CASTOR2: variants seen among roughly 807,000 people sequenced by gnomAD.
The protein encoded by CASTOR2 is cytosolic arginine sensor for mTORC1 subunit 2, also known as GATS protein like 2.
In CASTOR2, 8 loss-of-function variants were observed where a neutral mutation model predicts 31.2. That is an observed-to-expected ratio of 0.26 (90% confidence interval 0.15 to 0.46). CASTOR2 has a LOEUF of 0.46. Ranked by LOEUF, CASTOR2 falls within the 20% of genes least tolerant of loss-of-function variation. The probability of loss-of-function intolerance (pLI) is 0.99; values close to 1 mark genes in which losing one functional copy is unlikely to be tolerated. For missense variants in CASTOR2, 216 were observed against 382.1 expected, an observed-to-expected ratio of 0.57 and a Z score of 3.62; for synonymous variants, 162 against 158.7, an observed-to-expected ratio of 1.02 and a Z score of -0.16.
intron 1 of CASTOR2, among the ~76,000 whole-genome samples, chr7:75,000,578 C>T (rs1311099761): frequency 6.6e-6 from 1 of 152,084 alleles, no homozygotes; most frequent in East Asian, 1.9e-4. Context: ...TGCAGAGCCT[C>T]TCTGGTTTGG....
chr7:74,973,959 G>GA (rs1262838439), intron 1 of CASTOR2, among the ~76,000 whole-genome samples: 1 of 24,962 alleles, frequency 4.0e-5, no homozygotes, highest in Non-Finnish European at 7.5e-5. Flanking sequence ...TGGATCAGGG[G>GA]AGGGGTATAG....
chr7:75,007,495 G>A (rs1457489669), intron 1 of CASTOR2, among the ~76,000 whole-genome samples: 16 of 152,238 alleles, frequency 1.1e-4, no homozygotes, highest in South Asian at 4.1e-4. Context: ...AAAATAAACC[G>A]AGGGCTGGGC....
At chr7:75,000,085 C>A (rs1303245278) in intron 1 of CASTOR2, among the ~76,000 whole-genome samples, 1 of 152,102 alleles carries the variant, frequency 6.6e-6, no homozygotes, top group Admixed American at 6.6e-5. Flanking sequence ...AATTAGCCAG[C>A]CATGGTGATG....
chr7:74,979,103 G>C (rs1803892420), intron 1 of CASTOR2, among the ~76,000 whole-genome samples: 1 of 152,036 alleles, frequency 6.6e-6, no homozygotes, highest in South Asian at 2.1e-4. Flanking sequence ...GGAGGTAGAG[G>C]CTGCAGTGAG....
chr7:74,985,888 T>A (rs1280766982), intron 1 of CASTOR2, among the ~76,000 whole-genome samples: 1 of 152,064 alleles, frequency 6.6e-6, no homozygotes, highest in Non-Finnish European at 1.5e-5. Flanking sequence ...TTCCATTTAC[T>A]CCTTCAGCAG....
intron 1 of CASTOR2, among the ~76,000 whole-genome samples, chr7:74,984,484 G>A (rs1233705350): frequency 3.3e-5 from 5 of 152,254 alleles, no homozygotes; most frequent in Middle Eastern, 3.4e-3. Context: ...TTGCCTGGGA[G>A]AGTTGAAATG....
intron 1 of CASTOR2, among the ~76,000 whole-genome samples, chr7:74,971,100 A>G (rs1308659047): frequency 6.7e-6 from 1 of 149,488 alleles, no homozygotes; most frequent in Non-Finnish European, 1.5e-5. Flanking sequence ...GGTTCAAGCA[A>G]TTCTCCTGCC....
rs906148831 is a variant in CASTOR2 at position 75,025,956 on chromosome 7, C to T, written c.*1257C>T. Among the ~76,000 whole-genome samples the T allele has an allele frequency of 1.5e-3, 224 of 152,256 alleles. No homozygotes were observed. Among genetic ancestry groups the T allele is most frequent in the African/African-American group, 4.9e-3 (203 of 41,550 alleles). ...CTAGGAGCAGAGATCTGTTACAAGA[C>T]GCTGGAGCCGCTGGCACCCCACATG... On this transcript the variant is annotated 3_prime_UTR_variant, in exon 9 of 9. Coordinates refer to ENST00000616305, the MANE Select transcript of CASTOR2 (RefSeq NM_001145064.3).
At chr7:75,009,940 G>T (rs1804699916) in intron 2 of CASTOR2, among the ~76,000 whole-genome samples, 1 of 149,424 alleles carries the variant, frequency 6.7e-6, no homozygotes, top group Non-Finnish European at 1.5e-5. Flanking sequence ...TGCCCAGGCT[G>T]GAGTACAGTG....
chr7:74,991,366 T>C (rs1804207669), intron 1 of CASTOR2, among the ~76,000 whole-genome samples: 1 of 152,118 alleles, frequency 6.6e-6, no homozygotes, highest in East Asian at 1.9e-4. Context: ...CAAGGTTCCA[T>C]AGTGAGCAGG....
chr7:74,991,113 G>A (rs1450658087), intron 1 of CASTOR2, among the ~76,000 whole-genome samples: 2 of 150,986 alleles, frequency 1.3e-5, no homozygotes, highest in Non-Finnish European at 2.9e-5. Context: ...AAATGCCCTC[G>A]CACCTAACCA....
At chr7:75,014,657 G>A (rs1380388279) in intron 2 of CASTOR2, among the ~76,000 whole-genome samples, 1 of 152,146 alleles carries the variant, frequency 6.6e-6, no homozygotes, top group Non-Finnish European at 1.5e-5. Context: ...AGGGCGGGTA[G>A]ACCAATCCAT....
intron 2 of CASTOR2, among the ~76,000 whole-genome samples, chr7:75,009,712 C>T (rs1325717266): frequency 6.6e-6 from 1 of 151,430 alleles, no homozygotes; most frequent in Non-Finnish European, 1.5e-5. Context: ...GTACTGGGGA[C>T]ACACTTGGCA....
At chr7:75,008,178 C>A in intron 2 of CASTOR2, 114 bp downstream of exon 2, 2 of 1,290,868 alleles carry the variant, frequency 1.5e-6, no homozygotes, top group Non-Finnish European at 2.2e-6. Flanking sequence ...CCCCACCTAC[C>A]TCCTTACTTC....
In CASTOR2 at chr7:75,027,707, GGGGACCC is replaced by G. The variant is rs1182313863; in HGVS notation, c.*3009_*3015del. On this transcript the variant is annotated 3_prime_UTR_variant, in exon 9 of 9. Transcript: ENST00000616305. ...GCCCGCTCCGTGGGAGCTGCCCCCT[GGGGACCC>G]TGCTCCTCGGTCACAGGGGGCCCCT... is the stretch of plus-strand genomic sequence containing the variant. The G allele has an allele frequency of 7.8e-6, 3 of 386,402 alleles. No individual in the cohort carries two copies. The highest frequency in any genetic ancestry group is 4.3e-5 in the African/African-American group (2 of 46,912). The allele number at this position is 386,402 out of a possible 1,614,324, so 23.9% of individuals were successfully genotyped here.
At chr7:75,017,821 A>G (rs1253330808) in intron 3 of CASTOR2, 30 bp downstream of exon 3, 38 of 1,613,726 alleles carry the variant, frequency 2.4e-5, no homozygotes, top group Non-Finnish European at 3.1e-5. Flanking sequence ...CACGCCTTGC[A>G]CACTCATGCC....
chr7:75,021,855 T>C lies in CASTOR2; in HGVS notation c.747-19T>C. On this transcript the variant is annotated intron_variant, in intron 6 of 8. Coordinates refer to ENST00000616305, the MANE Select transcript of CASTOR2 (RefSeq NM_001145064.3). ...AATTCACATCAGCCTCGGGGATTCTTCTCTCGCTCCTTTTGAAGGTTTCCT... is the reference window on the plus strand; with the variant it reads ...AATTCACATCAGCCTCGGGGATTCTCCTCTCGCTCCTTTTGAAGGTTTCCT... 6.4e-7 allele frequency: 1 copy of C among 1,551,652 alleles called. No individual in the cohort carries two copies. The highest frequency in any genetic ancestry group is 8.7e-7 in the Non-Finnish European group (1 of 1,146,852).
chr7:75,027,766 G>T lies in CASTOR2; in HGVS notation c.*3067G>T, dbSNP rs1027227400. 2 of 516,016 alleles carry T rather than the reference G, an allele frequency of 3.9e-6. No homozygotes were observed. The highest frequency in any genetic ancestry group is 3.6e-5 in the East Asian group (1 of 27,722). 32.0% of individuals were successfully genotyped at this position (516,016 alleles called of 1,614,324 possible). On this transcript the variant is annotated 3_prime_UTR_variant, in exon 9 of 9. Transcript: ENST00000616305. Reference sequence around the variant, plus strand: ...TAGTTTTCCCATCCCCATCCTGCTCGTGTAAAGCTTGGTTTATCTTCTCGG... The same window carrying T: ...TAGTTTTCCCATCCCCATCCTGCTCTTGTAAAGCTTGGTTTATCTTCTCGG...
At chr7:75,022,000 T>A (rs1805016718) in intron 7 of CASTOR2, 44 bp downstream of exon 7, 2 of 1,548,828 alleles carry the variant, frequency 1.3e-6, no homozygotes. Context: ...GGAGCTGGCA[T>A]TGCTGAGCCC....
Sources: allele counts gnomAD v4.1 joint callset (sites outside exome capture counted in the v4.1 genomes callset), GRCh38; gene constraint gnomAD v4.1.1; transcripts MANE v1.5; gene names NCBI Gene and HGNC (gene_info 2026-07-23, HGNC 2026-07-21).